SORBS2: variants seen among roughly 807,000 people sequenced by gnomAD.
The protein encoded by SORBS2 is sorbin and SH3 domain containing 2, also known as sorbin and SH3 domain-containing protein 2.
A neutral mutation model predicts 97.7 loss-of-function variants in SORBS2; 46 were observed. The ratio of observed to expected loss-of-function variants is 0.47; its 90% CI spans 0.37 to 0.60. The LOEUF (loss-of-function observed/expected upper bound fraction) is 0.60. Ranked by LOEUF, SORBS2 falls within the 20% of genes least tolerant of loss-of-function variation. SORBS2 has a pLI of 0.00. For synonymous variants in SORBS2, 476 were observed against 473.4 expected (o/e 1.01, Z -0.07); for missense variants, 1,316 against 1,282.3 (o/e 1.03, Z -0.40).
intron 4 of SORBS2, among the ~76,000 whole-genome samples, 191 bp downstream of exon 7, chr4:185,678,232 A>G (rs28373444): frequency 2.4e-4 from 37 of 152,208 alleles, no homozygotes; most frequent in African/African-American, 8.2e-4. Flanking sequence ...ACAAAACCAA[A>G]CCAAACCCTT....
At chr4:185,612,570 A>C (rs2096557913) in intron 11 of SORBS2, among the ~76,000 whole-genome samples, 1 of 150,810 alleles carries the variant, frequency 6.6e-6, no homozygotes, top group South Asian at 2.1e-4. Context: ...GCTCACTGCA[A>C]CCCGCACCTC....
chr4:185,626,680 G>T, intron 6 of SORBS2, 152 bp downstream of exon 18: 1 of 746,570 alleles, frequency 1.3e-6, no homozygotes. Flanking sequence ...CAGTCTGGGT[G>T]GGAAGAAGGC....
intron 1 of SORBS2, among the ~76,000 whole-genome samples, chr4:185,823,023 C>T (rs1227195373): frequency 6.6e-6 from 1 of 152,148 alleles, no homozygotes; most frequent in Non-Finnish European, 1.5e-5. Flanking sequence ...TTTGATATCT[C>T]CACAGGTAGC....
intron 1 of SORBS2, among the ~76,000 whole-genome samples, chr4:185,902,465 T>C (rs1221314808): frequency 6.6e-6 from 1 of 152,116 alleles, no homozygotes; most frequent in Admixed American, 6.5e-5. Context: ...GTGAAGTAAC[T>C]GAACCAAGTT....
Position 185,852,611 on chromosome 4 carries a change from A to C in SORBS2, c.-337-77245T>G, listed in dbSNP as rs73019822. Among the ~76,000 whole-genome samples the C allele has an allele frequency of 5.5e-3, 843 of 152,276 alleles. 13 individuals are homozygous for C. The highest frequency in any genetic ancestry group is 0.019 in the African/African-American group (795 of 41,554). On this transcript the variant is annotated intron_variant, in intron 1 of 20. Transcript: ENST00000284776. ...GAATGATAGGAAAAATTTTAAAGAG[A>C]AAAACTGATTTCCACATTCGAGTTG...
At chr4:185,620,465 A>T (rs73028067) in intron 7 of SORBS2, among the ~76,000 whole-genome samples, 2,059 of 152,220 alleles carry the variant, frequency 0.014, 40 homozygotes, top group African/African-American at 0.047. Flanking sequence ...TTTCATATAA[A>T]TTTTTTCCAA....
intron 1 of SORBS2, among the ~76,000 whole-genome samples, chr4:185,886,972 G>A (rs56122940): frequency 2.6e-5 from 4 of 151,992 alleles, no homozygotes; most frequent in African/African-American, 4.8e-5. Context: ...AGCGGGCAGC[G>A]ATAGAATGGC....
At chr4:185,906,229 C>T (rs2099250745) in intron 1 of SORBS2, among the ~76,000 whole-genome samples, 1 of 152,172 alleles carries the variant, frequency 6.6e-6, no homozygotes, top group South Asian at 2.1e-4. Context: ...GACAGGGTTT[C>T]TCCTTGTTGC....
chr4:185,750,386 G>A (rs188578827), intron 2 of SORBS2, among the ~76,000 whole-genome samples: 1 of 152,296 alleles, frequency 6.6e-6, no homozygotes, highest in Admixed American at 6.5e-5. Flanking sequence ...AACTGAGAGC[G>A]GGTCTGCATT....
chr4:185,610,683 T>G (rs969367585), intron 12 of SORBS2, among the ~76,000 whole-genome samples: 13 of 152,152 alleles, frequency 8.5e-5, no homozygotes, highest in African/African-American at 3.1e-4. Flanking sequence ...GATGCTATCT[T>G]GAAACAGTTT....
At chr4:185,677,182 G>A (rs1170485405) in intron 4 of SORBS2, 2 of 1,551,694 alleles carry the variant, frequency 1.3e-6, no homozygotes, top group Admixed American at 2.0e-5. Flanking sequence ...ACTGGATTAG[G>A]GGTCAGTGAG....
chr4:185,867,489 T>C (rs2149728423), intron 1 of SORBS2, among the ~76,000 whole-genome samples: 1 of 152,332 alleles, frequency 6.6e-6, no homozygotes, highest in East Asian at 1.9e-4. Context: ...CTGCAAGATC[T>C]ATGTTTGCAT....
chr4:185,809,363 G>T lies in SORBS2; in HGVS notation c.-337-33997C>A, dbSNP rs555110790. ...AAGCAGGGTGGGGGACAGTGAGGGGGGATGTCTAGCTGGACTTGAAGGGCG... is the reference window on the plus strand; with the variant it reads ...AAGCAGGGTGGGGGACAGTGAGGGGTGATGTCTAGCTGGACTTGAAGGGCG... On this transcript the variant is annotated intron_variant, in intron 1 of 20. Transcript: ENST00000284776. Among the ~76,000 whole-genome samples the T allele has an allele frequency of 5.8e-4, 83 of 142,880 alleles. 1 individual carries two copies. Among genetic ancestry groups the T allele is most frequent in the Non-Finnish European group, 1.1e-3 (74 of 66,818 alleles). 93.7% of individuals were successfully genotyped at this position (142,880 alleles called of 152,430 possible). A position where few individuals can be genotyped will look rare whatever the true frequency, so the allele number is the denominator to read the frequency against.
chr4:185,938,008 C>CTTTTT (rs529655739), intron 1 of SORBS2, among the ~76,000 whole-genome samples: 6 of 121,324 alleles, frequency 4.9e-5, no homozygotes, highest in East Asian at 2.4e-4. Flanking sequence ...AGAAATCATT[C>CTTTTT]TTTTTTTTTT....
chr4:185,827,231 TCATCACCATCAC>T (rs1561210989), intron 1 of SORBS2, among the ~76,000 whole-genome samples: 1 of 67,478 alleles, frequency 1.5e-5, no homozygotes, highest in Non-Finnish European at 3.2e-5. Context: ...ACCATCATCA[TCATCACCATCAC>T]CACCATCATC....
rs138403397 is a variant in SORBS2 at position 185,725,475 on chromosome 4, G to C, written c.-197-46653C>G. ...ATATAGATTCTAGCAGAGCTTCTTT[G>C]ACATAGCTAATCTCTCTGAGTTTCA... is the stretch of plus-strand genomic sequence containing the variant. On this transcript the variant is annotated intron_variant, in intron 2 of 20. Coordinates refer to the SORBS2 transcript ENST00000284776. Among the ~76,000 whole-genome samples the C allele has an allele frequency of 3.0e-3, 463 of 152,276 alleles. 6 individuals are homozygous for C. The highest frequency in any genetic ancestry group is 9.8e-3 in the African/African-American group (409 of 41,558).
At chr4:185,633,540 C>T (rs2096941922) in intron 4 of SORBS2, among the ~76,000 whole-genome samples, 1 of 150,746 alleles carries the variant, frequency 6.6e-6, no homozygotes. Context: ...ATTTTTATGC[C>T]CAAGAATTAT....
In SORBS2 at chr4:185,867,257, G is replaced by A. The variant is rs555435937; in HGVS notation, c.-338+88939C>T. Reference sequence around the variant, plus strand: ...GAACTCCTGGCCTCGTGATCCGCCCGCCTCAGCCTCCCAAAGTGCTGGGAT... The same window carrying A: ...GAACTCCTGGCCTCGTGATCCGCCCACCTCAGCCTCCCAAAGTGCTGGGAT... On this transcript the variant is annotated intron_variant, in intron 1 of 20. Transcript: ENST00000284776. Among the ~76,000 whole-genome samples the A allele has an allele frequency of 8.5e-5, 13 of 152,258 alleles. No homozygotes were observed. In the South Asian group the frequency reaches 2.1e-3, roughly 24 times the overall value.
chr4:185,907,006 C>T (rs1026183097), intron 1 of SORBS2, among the ~76,000 whole-genome samples: 7 of 151,888 alleles, frequency 4.6e-5, no homozygotes, highest in Middle Eastern at 3.2e-3. Context: ...TGTGGTGGTG[C>T]GAGCCTGTAA....
Sources: allele counts gnomAD v4.1 joint callset (sites outside exome capture counted in the v4.1 genomes callset), GRCh38; gene constraint gnomAD v4.1.1; transcripts MANE v1.5; gene names NCBI Gene and HGNC (gene_info 2026-07-23, HGNC 2026-07-21).